The following TMEM74 variants were observed in gnomAD, a reference collection of about 807,000 sequenced individuals.
TMEM74 encodes the protein transmembrane protein 74.
In TMEM74, 13 loss-of-function variants were observed where a neutral mutation model predicts 18.1. That is an observed-to-expected ratio of 0.72 (90% CI 0.47 to 1.14). The LOEUF is 1.14. TMEM74 is among the 50% of genes most tolerant of loss of function. The pLI is 0.00. For synonymous variants in TMEM74, 159 were observed against 146.6 expected, an observed-to-expected ratio of 1.08 and a Z score of -0.61; for missense variants, 372 against 375.9, an observed-to-expected ratio of 0.99 and a Z score of 0.09.
chr8:108,658,825 C>A (rs1172588147), intron 1 of TMEM74, among the ~76,000 whole-genome samples: 1 of 152,108 alleles, frequency 6.6e-6, no homozygotes, highest in Non-Finnish European at 1.5e-5. Flanking sequence ...AGGTAGTTAT[C>A]ATTAACAGTC....
At position 108,745,622 on chromosome 8, in the gene TMEM74, C is replaced by G. The variant is rs1218379699; in HGVS notation, n.119+41854G>C. Among the ~76,000 whole-genome samples, 3 of 152,008 alleles carry G rather than the reference C, an allele frequency of 2.0e-5. No individual in the cohort carries two copies. In the South Asian group the frequency reaches 6.2e-4, roughly 32 times the overall value. ...AAGTAGTTGCTAAGTTGTGTAAAAT[C>G]ATAGTGGAATATCTAAGGTCCATTT... On this transcript the variant is annotated intron_variant and non_coding_transcript_variant, in intron 1 of 3. Transcript: ENST00000518838.
intron 1 of TMEM74, among the ~76,000 whole-genome samples, 194 bp downstream of exon 1, chr8:108,787,282 C>G (rs146681813): frequency 2.0e-5 from 3 of 152,302 alleles, no homozygotes; most frequent in South Asian, 2.1e-4. Context: ...GTGCCCCCAG[C>G]AGGCGCCGAG....
intron 1 of TMEM74, among the ~76,000 whole-genome samples, chr8:108,667,791 A>G (rs565915831): frequency 4.1e-4 from 62 of 152,120 alleles, no homozygotes; most frequent in African/African-American, 1.4e-3. Flanking sequence ...CCTACTGCCT[A>G]CCTACACCCT....
chr8:108,776,653 G>C (rs986407874), downstream of TMEM74, among the ~76,000 whole-genome samples: 1 of 152,100 alleles, frequency 6.6e-6, no homozygotes, highest in Middle Eastern at 3.2e-3. Context: ...TTCATGAAGG[G>C]AGATGTAAAT....
intron 1 of TMEM74, among the ~76,000 whole-genome samples, chr8:108,711,206 T>C (rs555569491): frequency 6.6e-6 from 1 of 152,298 alleles, no homozygotes; most frequent in South Asian, 2.1e-4. Flanking sequence ...AGTGAAGAGC[T>C]TAAGTGATTT....
chr8:108,644,925 T>C (rs961870612), intron 2 of TMEM74, among the ~76,000 whole-genome samples: 1 of 152,158 alleles, frequency 6.6e-6, no homozygotes, highest in Non-Finnish European at 1.5e-5. Context: ...AGTTCAGCCA[T>C]TGTGGAAAGC....
intron 1 of TMEM74, among the ~76,000 whole-genome samples, chr8:108,757,434 T>C (rs548668040): frequency 4.6e-5 from 7 of 152,240 alleles, no homozygotes; most frequent in African/African-American, 1.4e-4. Flanking sequence ...CAGACTGTTC[T>C]TAAAATAAAT....
At chr8:108,684,737 C>A (rs945394229) in intron 1 of TMEM74, among the ~76,000 whole-genome samples, 12 of 148,368 alleles carry the variant, frequency 8.1e-5, no homozygotes, top group African/African-American at 2.5e-4. Flanking sequence ...TATCTTTGAT[C>A]CATTTTGAGT....
In TMEM74 at chr8:108,782,278, CAA is replaced by C. The variant is rs1814316441; in HGVS notation, c.*1901_*1902del. On this transcript the variant is annotated 3_prime_UTR_variant, in exon 2 of 2. Coordinates refer to ENST00000297459, the MANE Select transcript of TMEM74 (RefSeq NM_153015.3). ...TCATGAAATGAGAGTCACAGTAAAA[CAA>C]AGTTTGTTCAAAAAGCACAAAAATA... 6.6e-6 allele frequency among the ~76,000 whole-genome samples: 1 copy of C among 152,052 alleles called. No homozygotes were observed. Among genetic ancestry groups the C allele is most frequent in the Non-Finnish European group, 1.5e-5 (1 of 67,980 alleles).
At chr8:108,688,790 T>G (rs1377380317) in intron 1 of TMEM74, among the ~76,000 whole-genome samples, 1 of 152,214 alleles carries the variant, frequency 6.6e-6, no homozygotes, top group East Asian at 1.9e-4. Context: ...CCTTCATTTG[T>G]GGTTAGCTTC....
intron 2 of TMEM74, among the ~76,000 whole-genome samples, chr8:108,652,043 T>C (rs1193333548): frequency 6.6e-6 from 1 of 152,194 alleles, no homozygotes; most frequent in Non-Finnish European, 1.5e-5. Flanking sequence ...ATTTAGGTCT[T>C]GACTTCTATG....
chr8:108,717,483 G>A (rs1813537283), intron 1 of TMEM74, among the ~76,000 whole-genome samples: 1 of 152,170 alleles, frequency 6.6e-6, no homozygotes, highest in Admixed American at 6.5e-5. Flanking sequence ...TTCACATGGA[G>A]TTGATATCTT....
intron 1 of TMEM74, among the ~76,000 whole-genome samples, chr8:108,679,466 T>C (rs1437315562): frequency 6.6e-6 from 1 of 152,198 alleles, no homozygotes; most frequent in African/African-American, 2.4e-5. Context: ...GGTATCTCAT[T>C]ATGGTTTTGA....
intron 1 of TMEM74, among the ~76,000 whole-genome samples, chr8:108,717,629 G>C (rs936294213): frequency 1.1e-4 from 17 of 152,128 alleles, no homozygotes; most frequent in African/African-American, 4.1e-4. Context: ...ATTTTAAACA[G>C]AATGATTAAG....
intron 1 of TMEM74, among the ~76,000 whole-genome samples, chr8:108,743,932 T>A (rs576774104): frequency 6.6e-6 from 1 of 152,220 alleles, no homozygotes; most frequent in African/African-American, 2.4e-5. Context: ...ATGAAAATCT[T>A]TATTTAGACA....
At chr8:108,624,289 A>T (rs890813951) in intron 2 of TMEM74, among the ~76,000 whole-genome samples, 10 of 152,146 alleles carry the variant, frequency 6.6e-5, no homozygotes, top group African/African-American at 2.4e-4. Context: ...AGGTAGCAGA[A>T]TAATGAATGC....
intron 1 of TMEM74, among the ~76,000 whole-genome samples, chr8:108,673,235 A>G (rs142145756): frequency 5.6e-4 from 86 of 152,296 alleles, no homozygotes; most frequent in Non-Finnish European, 9.6e-4. Context: ...TCACACACAG[A>G]TCATGGAAGT....
At position 108,756,599 on chromosome 8, in the gene TMEM74, AAAGGAAGG is replaced by A. The variant is rs200040254; in HGVS notation, n.119+30869_119+30876del. On this transcript the variant is annotated intron_variant and non_coding_transcript_variant, in intron 1 of 3. Coordinates refer to the TMEM74 transcript ENST00000518838. The stretch of plus-strand genomic sequence containing the variant: ...AAGAAAGAAAGAAAGAAAGAAAGAG[AAAGGAAGG>A]AAGGAAGGAAGGAAGGAAGGAAGGA... 5.4e-4 allele frequency among the ~76,000 whole-genome samples: 28 copies of A among 51,546 alleles called. 2 individuals are homozygous for A. The highest frequency in any genetic ancestry group is 1.3e-3 in the African/African-American group (12 of 9,318). The allele number at this position is 51,546 out of a possible 152,430, so 33.8% of individuals were successfully genotyped here.
At chr8:108,717,303 A>G (rs1813535875) in intron 1 of TMEM74, among the ~76,000 whole-genome samples, 1 of 152,210 alleles carries the variant, frequency 6.6e-6, no homozygotes, top group Non-Finnish European at 1.5e-5. Flanking sequence ...CCAATAAAAT[A>G]TATGTAATCA....
Sources: gnomAD v4.1 joint callset for allele counts (sites outside exome capture counted in the v4.1 genomes callset) on GRCh38, gnomAD v4.1.1 for gene constraint, MANE v1.5 for transcripts, NCBI Gene and HGNC (gene_info 2026-07-23, HGNC 2026-07-21) for gene names.